RIT2: variants seen among roughly 807,000 people sequenced by gnomAD.
RIT2 encodes the protein Ras like without CAAX 2, also known as GTP-binding protein Rit2.
RIT2 carries 24 observed loss-of-function variants against 23.7 expected under a neutral mutation model. The ratio of observed to expected loss-of-function variants is 1.01; its 90% CI spans 0.73 to 1.43. The LOEUF is 1.43. Ranked by LOEUF, RIT2 falls within the 40% of genes most tolerant of loss-of-function variation. The probability of loss-of-function intolerance (pLI) is 0.00; values close to 1 mark genes in which losing one functional copy is unlikely to be tolerated. For synonymous variants in RIT2, 107 were observed against 91.1 expected (o/e 1.17, Z -0.99); for missense variants, 236 against 266.9 (o/e 0.88, Z 0.81).
chr18:42,992,753 C>T (rs1910883853), intron 2 of RIT2, among the ~76,000 whole-genome samples: 1 of 152,052 alleles, frequency 6.6e-6, no homozygotes, highest in South Asian at 2.1e-4. Flanking sequence ...TTTATCCAAC[C>T]TCTCCCAAAA....
chr18:43,103,616 G>T (rs1156628108), intron 1 of RIT2, among the ~76,000 whole-genome samples: 1 of 152,154 alleles, frequency 6.6e-6, no homozygotes, highest in Non-Finnish European at 1.5e-5. Context: ...AGAAGTATTT[G>T]TGCAGAATCT....
intron 2 of RIT2, among the ~76,000 whole-genome samples, chr18:42,991,429 C>T (rs187840986): frequency 6.6e-6 from 1 of 152,242 alleles, no homozygotes; most frequent in African/African-American, 2.4e-5. Flanking sequence ...AATTCACTTC[C>T]GTGTATCCAC....
At chr18:43,039,691 A>G (rs1455141098) in intron 1 of RIT2, among the ~76,000 whole-genome samples, 2 of 152,150 alleles carry the variant, frequency 1.3e-5, no homozygotes, top group South Asian at 2.1e-4. Context: ...CATTCATGGC[A>G]TAGATCACAT....
intron 4 of RIT2, among the ~76,000 whole-genome samples, chr18:42,870,177 G>T (rs1395093541): frequency 6.6e-6 from 1 of 152,114 alleles, no homozygotes; most frequent in Non-Finnish European, 1.5e-5. Context: ...CAATACATCT[G>T]GTTCAGATTT....
At chr18:43,089,948 C>G (rs1017098591) in intron 1 of RIT2, among the ~76,000 whole-genome samples, 2 of 152,006 alleles carry the variant, frequency 1.3e-5, no homozygotes, top group Non-Finnish European at 2.9e-5. Context: ...GGAAGACAAC[C>G]TAGGCAATAC....
chr18:42,803,517 T>C (rs1489458177), intron 4 of RIT2, among the ~76,000 whole-genome samples: 1 of 152,202 alleles, frequency 6.6e-6, no homozygotes, highest in Non-Finnish European at 1.5e-5. Flanking sequence ...TTGTAAACAA[T>C]GGGAGCTCTT....
At chr18:42,867,529 A>G (rs1409601715) in intron 4 of RIT2, among the ~76,000 whole-genome samples, 32 of 152,068 alleles carry the variant, frequency 2.1e-4, no homozygotes, top group Admixed American at 2.1e-3. Flanking sequence ...ATAGAGGCTC[A>G]TGCCTGTAAT....
rs12326690 is a variant in RIT2, at chr18:43,029,861, G to T, written c.160+3950C>A. Reference sequence around the variant, plus strand: ...AATTTTCTTTTGTTAATCATTTTAGGTCAAGAAATAGTAGTTAACAAACAT... The same window carrying T: ...AATTTTCTTTTGTTAATCATTTTAGTTCAAGAAATAGTAGTTAACAAACAT... On this transcript the variant is annotated intron_variant, in intron 2 of 4. Transcript: ENST00000326695. Among the ~76,000 whole-genome samples, 1,248 of 151,936 alleles carry T rather than the reference G, an allele frequency of 8.2e-3. 14 individuals are homozygous for T. Among genetic ancestry groups the T allele is most frequent in the African/African-American group, 0.028 (1,172 of 41,492 alleles).
chr18:43,037,452 G>A (rs1004102121), intron 1 of RIT2, among the ~76,000 whole-genome samples: 8 of 151,952 alleles, frequency 5.3e-5, no homozygotes, highest in South Asian at 2.1e-4. Flanking sequence ...ATTTACAATC[G>A]TAAATCACTG....
chr18:42,847,327 T>G (rs904068166), intron 4 of RIT2, among the ~76,000 whole-genome samples: 1 of 152,256 alleles, frequency 6.6e-6, no homozygotes, highest in East Asian at 1.9e-4. Context: ...GTCCTGGGGC[T>G]CTACTTAATG....
chr18:42,892,093 C>T (rs982698974), intron 4 of RIT2, among the ~76,000 whole-genome samples: 4 of 152,090 alleles, frequency 2.6e-5, no homozygotes, highest in African/African-American at 9.7e-5. Flanking sequence ...CCACGACAAA[C>T]CTCTCCAGGG....
At chr18:42,984,063 A>G (rs1232070260) in intron 2 of RIT2, among the ~76,000 whole-genome samples, 1 of 152,132 alleles carries the variant, frequency 6.6e-6, no homozygotes, top group Non-Finnish European at 1.5e-5. Flanking sequence ...TTAGAGAAAT[A>G]AAGACATGTT....
chr18:42,857,885 T>C (rs564768118), intron 4 of RIT2, among the ~76,000 whole-genome samples: 3 of 152,136 alleles, frequency 2.0e-5, no homozygotes, highest in Non-Finnish European at 4.4e-5. Flanking sequence ...AAAGGTGATT[T>C]AATAACATTT....
chr18:42,839,876 T>C lies in RIT2; in HGVS notation c.426+83696A>G, dbSNP rs138005185. 2.0e-3 allele frequency among the ~76,000 whole-genome samples: 298 copies of C among 151,630 alleles called. 3 individuals carry two copies. Among genetic ancestry groups the C allele is most frequent in the African/African-American group, 6.6e-3 (271 of 40,962 alleles). On this transcript the variant is annotated intron_variant, in intron 4 of 4. Transcript: ENST00000326695. ...ACCAGTCCAGGAAGCCATTCCACTC[T>C]ATGTCAGACTTGTAGGAAGCCAGAT...
chr18:43,077,368 G>A (rs978671392), intron 1 of RIT2, among the ~76,000 whole-genome samples: 7 of 152,212 alleles, frequency 4.6e-5, no homozygotes, highest in Admixed American at 2.6e-4. Flanking sequence ...CCCAACTGGG[G>A]CTGAAATTTC....
intron 1 of RIT2, among the ~76,000 whole-genome samples, chr18:43,099,212 T>TC (rs1913625914): frequency 6.6e-6 from 1 of 152,088 alleles, no homozygotes; most frequent in Admixed American, 6.6e-5. Context: ...GACTCTAGCA[T>TC]CCAGAATGAT....
At chr18:42,797,575 A>G (rs1905405119) in intron 4 of RIT2, among the ~76,000 whole-genome samples, 1 of 152,210 alleles carries the variant, frequency 6.6e-6, no homozygotes, top group Admixed American at 6.5e-5. Flanking sequence ...AAAACATGAG[A>G]AAGGGACCTC....
chr18:42,764,468 A>AT (rs1351380822), intron 4 of RIT2, among the ~76,000 whole-genome samples: 1 of 152,150 alleles, frequency 6.6e-6, no homozygotes, highest in African/African-American at 2.4e-5. Context: ...AAGTACTTGC[A>AT]TTTTTTAGAA....
chr18:43,048,530 G>C (rs1433966256), intron 1 of RIT2, among the ~76,000 whole-genome samples: 1 of 152,138 alleles, frequency 6.6e-6, no homozygotes, highest in Non-Finnish European at 1.5e-5. Context: ...CATCTATAAT[G>C]TAGGGTTAAT....
Sources: gnomAD v4.1 joint callset for allele counts (sites outside exome capture counted in the v4.1 genomes callset) on GRCh38, gnomAD v4.1.1 for gene constraint, MANE v1.5 for transcripts, NCBI Gene and HGNC (gene_info 2026-07-23, HGNC 2026-07-21) for gene names.